The following KCNIP4 variants were observed in gnomAD, a reference collection of about 807,000 sequenced individuals.
KCNIP4 encodes the protein Kv channel-interacting protein 4.
KCNIP4 carries 12 observed loss-of-function variants against 34.0 expected under a neutral mutation model. The observed-to-expected ratio is 0.35, with a 90% CI of 0.23 to 0.57. The LOEUF is 0.57. Among genes scored for constraint, KCNIP4 ranks in the 20% least tolerant of loss-of-function variants. The pLI is 0.83. For missense variants in KCNIP4, 238 were observed against 311.7 expected (o/e 0.76, Z 1.78); for synonymous variants, 124 against 102.2 (o/e 1.21, Z -1.29).
chr4:20,782,817 G>A (rs111955311), intron 3 of KCNIP4, among the ~76,000 whole-genome samples: 14,433 of 152,156 alleles, frequency 0.095, 982 homozygotes, highest in African/African-American at 0.2. Context: ...AATATATGCA[G>A]CTGACTTGAA....
intron 1 of KCNIP4, among the ~76,000 whole-genome samples, chr4:21,776,607 T>C (rs1269697342): frequency 6.6e-6 from 1 of 152,146 alleles, no homozygotes; most frequent in Non-Finnish European, 1.5e-5. Flanking sequence ...TCAAAGATGT[T>C]GATATGGTTA....
At chr4:21,473,181 T>C (rs1730610710) in intron 1 of KCNIP4, among the ~76,000 whole-genome samples, 1 of 152,198 alleles carries the variant, frequency 6.6e-6, no homozygotes, top group Non-Finnish European at 1.5e-5. Context: ...ATAGGGCAAA[T>C]GTTACTTTTG....
chr4:20,849,411 G>A (rs1438075985), intron 3 of KCNIP4, among the ~76,000 whole-genome samples: 3 of 152,148 alleles, frequency 2.0e-5, no homozygotes, highest in African/African-American at 7.2e-5. Flanking sequence ...TGCGCATGCA[G>A]AAACCCTATA....
At chr4:21,226,058 C>T (rs1033511844) in intron 1 of KCNIP4, among the ~76,000 whole-genome samples, 13 of 151,812 alleles carry the variant, frequency 8.6e-5, no homozygotes, top group East Asian at 2.0e-4. Context: ...CTTCTTCATT[C>T]GAACTCTATA....
chr4:21,136,480 T>C (rs563561034), intron 1 of KCNIP4, among the ~76,000 whole-genome samples: 10 of 152,316 alleles, frequency 6.6e-5, no homozygotes, highest in Non-Finnish European at 1.2e-4. Flanking sequence ...GGGTTTTCAC[T>C]GGGTTTGTAA....
At chr4:20,732,207 A>C (rs1412466702) in intron 7 of KCNIP4, 139 bp from the exon 8 acceptor site, 5 of 639,088 alleles carry the variant, frequency 7.8e-6, no homozygotes, top group Non-Finnish European at 1.4e-5. Context: ...CAGAGCAGGA[A>C]CCAGCAGTTT....
At chr4:20,841,324 T>C (rs1050457329) in intron 3 of KCNIP4, among the ~76,000 whole-genome samples, 1 of 152,126 alleles carries the variant, frequency 6.6e-6, no homozygotes, top group South Asian at 2.1e-4. Context: ...AATTTTGTAG[T>C]AAAGAAGGTG....
intron 1 of KCNIP4, among the ~76,000 whole-genome samples, chr4:21,588,373 C>T (rs969855039): frequency 5.3e-5 from 8 of 151,898 alleles, no homozygotes; most frequent in African/African-American, 1.9e-4. Flanking sequence ...TAACTTATCC[C>T]TGATCTTCCC....
chr4:20,795,605 T>C (rs2149409360), intron 3 of KCNIP4, among the ~76,000 whole-genome samples: 1 of 152,314 alleles, frequency 6.6e-6, no homozygotes, highest in East Asian at 1.9e-4. Flanking sequence ...ATCTTGATTC[T>C]ATCTTTTGGG....
rs554829916 is a variant in KCNIP4, at chr4:20,901,141, T to C, written c.62-18432A>G. 3.3e-5 allele frequency among the ~76,000 whole-genome samples: 5 copies of C among 152,324 alleles called. No homozygotes were observed. The South Asian group carries it at 8.3e-4, about 25-fold the overall frequency. On this transcript the variant is annotated intron_variant, in intron 1 of 8. Transcript: ENST00000382152. The stretch of plus-strand genomic sequence containing the variant: ...AGCAACACAAGCCATTTTGTTTTCT[T>C]TGTGAGTGCTTTACAAAGCACTATC...
chr4:21,672,775 G>A (rs56359452), intron 1 of KCNIP4, among the ~76,000 whole-genome samples: 14,405 of 152,240 alleles, frequency 0.095, 840 homozygotes, highest in Non-Finnish European at 0.14. Flanking sequence ...AGGACTTTGC[G>A]AGTGGCTTAG....
intron 3 of KCNIP4, among the ~76,000 whole-genome samples, chr4:20,812,599 C>G (rs533093899): frequency 3.7e-4 from 57 of 152,276 alleles, no homozygotes; most frequent in African/African-American, 1.4e-3. Context: ...CGTGATTGAT[C>G]TAAACACGGC....
intron 1 of KCNIP4, among the ~76,000 whole-genome samples, chr4:21,293,363 G>A (rs538853961): frequency 8.5e-5 from 13 of 152,148 alleles, no homozygotes; most frequent in Non-Finnish European, 1.3e-4. Flanking sequence ...AAATGGTAAA[G>A]TCCATACTCT....
intron 1 of KCNIP4, among the ~76,000 whole-genome samples, chr4:20,956,864 A>T (rs1006137462): frequency 6.6e-6 from 1 of 152,212 alleles, no homozygotes; most frequent in Non-Finnish European, 1.5e-5. Flanking sequence ...TGAAAAGAAC[A>T]TGTATCAGAA....
chr4:21,363,806 A>G (rs1719460631), intron 1 of KCNIP4, among the ~76,000 whole-genome samples: 1 of 152,150 alleles, frequency 6.6e-6, no homozygotes, highest in Non-Finnish European at 1.5e-5. Context: ...CATACTTAGG[A>G]GTTCTCTCCA....
At chr4:21,766,167 G>C (rs1718404466) in intron 1 of KCNIP4, among the ~76,000 whole-genome samples, 1 of 152,132 alleles carries the variant, frequency 6.6e-6, no homozygotes, top group African/African-American at 2.4e-5. Flanking sequence ...GTGGTGGCCT[G>C]AACAATACAT....
chr4:21,061,270 C>A (rs904854831), intron 1 of KCNIP4, among the ~76,000 whole-genome samples: 5 of 151,942 alleles, frequency 3.3e-5, no homozygotes, highest in Non-Finnish European at 7.4e-5. Flanking sequence ...AGGGTTTTGT[C>A]AAGAATTATT....
chr4:21,555,307 T>A (rs16871403), intron 1 of KCNIP4, among the ~76,000 whole-genome samples: 65,716 of 151,876 alleles, frequency 0.43, 14,386 homozygotes, highest in East Asian at 0.64. Flanking sequence ...TGAGCCATGC[T>A]GTATTTGTCA....
intron 1 of KCNIP4, among the ~76,000 whole-genome samples, chr4:21,197,051 T>C (rs1481627859): frequency 6.6e-6 from 1 of 152,216 alleles, no homozygotes; most frequent in Non-Finnish European, 1.5e-5. Context: ...TTGTGCTTTT[T>C]TGGCATTCTA....
Sources: allele counts gnomAD v4.1 joint callset (sites outside exome capture counted in the v4.1 genomes callset), GRCh38; gene constraint gnomAD v4.1.1; transcripts MANE v1.5; gene names NCBI Gene and HGNC (gene_info 2026-07-23, HGNC 2026-07-21).